Variants in RNGTT observed in about 807,000 individuals in gnomAD.
RNGTT encodes the protein mRNA-capping enzyme.
RNGTT carries 33 observed loss-of-function variants against 79.3 expected under a neutral mutation model. The observed-to-expected ratio is 0.42, with a 90% CI of 0.32 to 0.56. RNGTT has a LOEUF of 0.56. RNGTT is among the 20% of genes least tolerant of loss of function. The pLI is 0.17. For missense variants in RNGTT, 497 were observed against 739.1 expected (o/e 0.67, Z 3.80); for synonymous variants, 222 against 235.9 (o/e 0.94, Z 0.54).
At chr6:88,875,697 A>G (rs1228501522) in intron 8 of RNGTT, among the ~76,000 whole-genome samples, 1 of 152,222 alleles carries the variant, frequency 6.6e-6, no homozygotes, top group Non-Finnish European at 1.5e-5. Flanking sequence ...AAGTACTCAG[A>G]ACAATGCCTA....
intron 12 of RNGTT, among the ~76,000 whole-genome samples, chr6:88,794,580 T>C (rs1779531551): frequency 6.6e-6 from 1 of 152,170 alleles, no homozygotes; most frequent in Non-Finnish European, 1.5e-5. Context: ...CTCAGATTAT[T>C]TTGCAAGGCA....
At chr6:88,874,201 C>A (rs1358192103) in intron 8 of RNGTT, among the ~76,000 whole-genome samples, 6 of 152,178 alleles carry the variant, frequency 3.9e-5, no homozygotes, top group South Asian at 4.1e-4. Context: ...TGTAGCAATA[C>A]AAGTTAAATA....
intron 11 of RNGTT, among the ~76,000 whole-genome samples, chr6:88,838,480 T>C (rs1204773500): frequency 6.6e-6 from 1 of 152,120 alleles, no homozygotes; most frequent in African/African-American, 2.4e-5. Flanking sequence ...TTCTATATAC[T>C]ACCAATAGTC....
intron 11 of RNGTT, among the ~76,000 whole-genome samples, chr6:88,822,513 A>G (rs1582503397): frequency 1.3e-5 from 2 of 152,214 alleles, no homozygotes; most frequent in East Asian, 3.8e-4. Flanking sequence ...AGGCTTTCAC[A>G]GAACAATTCA....
chr6:88,701,828 G>C (rs1045389176), intron 13 of RNGTT, among the ~76,000 whole-genome samples: 1 of 137,128 alleles, frequency 7.3e-6, no homozygotes. Flanking sequence ...TCATGCTGTA[G>C]AGACATTGTT....
chr6:88,955,896 C>T (rs1017855636), intron 1 of RNGTT, among the ~76,000 whole-genome samples: 5 of 151,546 alleles, frequency 3.3e-5, no homozygotes, highest in East Asian at 1.9e-4. Context: ...AAAAATTAGC[C>T]GGGTGTGGTG....
intron 8 of RNGTT, among the ~76,000 whole-genome samples, chr6:88,887,280 T>C (rs1375885490): frequency 1.3e-5 from 2 of 152,210 alleles, no homozygotes; most frequent in Non-Finnish European, 2.9e-5. Context: ...CACTGTATCC[T>C]GACATAGCTT....
chr6:88,693,853 A>G (rs1775565597), intron 13 of RNGTT, among the ~76,000 whole-genome samples: 1 of 152,166 alleles, frequency 6.6e-6, no homozygotes, highest in African/African-American at 2.4e-5. Flanking sequence ...ACAAAACTCA[A>G]GTGATCATCT....
At chr6:88,717,187 A>G (rs1776548344) in intron 13 of RNGTT, among the ~76,000 whole-genome samples, 1 of 152,254 alleles carries the variant, frequency 6.6e-6, no homozygotes, top group African/African-American at 2.4e-5. Flanking sequence ...ATAAATGATC[A>G]TCCAAAATGA....
Position 88,930,188 on chromosome 6 carries a change from A to T in RNGTT, c.175-921T>A, listed in dbSNP as rs1289918771. ...TACATATACATATATGTATATACAT[A>T]TATACATAAACATATATACATATAT... On this transcript the variant is annotated intron_variant, in intron 2 of 15. Coordinates refer to ENST00000369485, the MANE Select transcript of RNGTT (RefSeq NM_003800.5). Among the ~76,000 whole-genome samples the T allele has an allele frequency of 2.0e-5, 3 of 148,170 alleles. No homozygotes were observed. In the East Asian group the frequency reaches 5.8e-4, roughly 29 times the overall value.
intron 4 of RNGTT, among the ~76,000 whole-genome samples, chr6:88,912,638 T>A (rs2127946480): frequency 6.6e-6 from 1 of 151,952 alleles, no homozygotes; most frequent in South Asian, 2.1e-4. Context: ...GACAGGCCAT[T>A]GGCTGGATTA....
At chr6:88,856,417 T>TAC (rs138693589) in intron 8 of RNGTT, among the ~76,000 whole-genome samples, 9,845 of 150,200 alleles carry the variant, frequency 0.066, 951 homozygotes, top group African/African-American at 0.21. Flanking sequence ...GTATTTATTT[T>TAC]ACACACACAC....
At chr6:88,627,150 C>T (rs767694616) in intron 14 of RNGTT, among the ~76,000 whole-genome samples, 8 of 152,018 alleles carry the variant, frequency 5.3e-5, no homozygotes, top group Non-Finnish European at 1.0e-4. Context: ...TTTAAGATGT[C>T]TGTTACACAA....
At chr6:88,756,179 A>G (rs984762780) in intron 13 of RNGTT, among the ~76,000 whole-genome samples, 4 of 152,056 alleles carry the variant, frequency 2.6e-5, no homozygotes, top group Non-Finnish European at 5.9e-5. Flanking sequence ...AGGAAAGTTA[A>G]AGAGGTAAAA....
chr6:88,767,879 T>A (rs1778517495), intron 13 of RNGTT, among the ~76,000 whole-genome samples: 1 of 152,134 alleles, frequency 6.6e-6, no homozygotes, highest in South Asian at 2.1e-4. Flanking sequence ...GGGCACTTTG[T>A]CAGGAAGACT....
Position 88,614,340 on chromosome 6 carries a change from T to C in RNGTT, c.1562A>G (p.Asn521Ser). Residue 521 changes from asparagine to serine, a missense_variant, in exon 15 of 16, where the codon AAC becomes AGC. Coordinates refer to ENST00000369485, the MANE Select transcript of RNGTT (RefSeq NM_003800.5). ...DNKIIECKFE[N>S]NSWVFMRQRT... Reference sequence around the variant, plus strand: ...CTGTCTCATGAAGACCCAGCTGTTGTTCTCAAATTTGCATTCTATAATTTT... The same window carrying C: ...CTGTCTCATGAAGACCCAGCTGTTGCTCTCAAATTTGCATTCTATAATTTT... 1.9e-6 allele frequency: 3 copies of C among 1,613,734 alleles called. No homozygotes were observed. The highest frequency in any genetic ancestry group is 2.5e-6 in the Non-Finnish European group (3 of 1,179,626).
chr6:88,891,699 A>G (rs1783053616), intron 7 of RNGTT, 107 bp downstream of exon 7: 1 of 619,330 alleles, frequency 1.6e-6, no homozygotes, highest in Non-Finnish European at 2.6e-6. Context: ...AAAGTATTCT[A>G]TTGCAAACAT....
intron 14 of RNGTT, among the ~76,000 whole-genome samples, chr6:88,655,033 A>T (rs2127779465): frequency 6.6e-6 from 1 of 152,340 alleles, no homozygotes; most frequent in East Asian, 1.9e-4. Flanking sequence ...GTTATTCTTC[A>T]GATATTTTAG....
At chr6:88,900,416 G>T (rs1783409121) in intron 6 of RNGTT, among the ~76,000 whole-genome samples, 1 of 152,162 alleles carries the variant, frequency 6.6e-6, no homozygotes, top group African/African-American at 2.4e-5. Flanking sequence ...AAAGCTTAAT[G>T]AGGACATTAG....
Sources: allele counts gnomAD v4.1 joint callset (sites outside exome capture counted in the v4.1 genomes callset), GRCh38; gene constraint gnomAD v4.1.1; transcripts MANE v1.5; gene names NCBI Gene and HGNC (gene_info 2026-07-23, HGNC 2026-07-21).